The following TOR1A variants were observed in gnomAD, a reference collection of about 807,000 sequenced individuals.
TOR1A encodes the protein torsin family 1 member A.
Under a neutral mutation model 31.4 loss-of-function variants are expected in TOR1A, and 18 were observed. The observed-to-expected ratio is 0.57, with a 90% CI of 0.40 to 0.85. TOR1A has a LOEUF of 0.85. Among genes scored for constraint, TOR1A ranks in the 40% least tolerant of loss-of-function variants. The pLI is 0.00. For synonymous variants in TOR1A, 168 were observed against 165.9 expected, an observed-to-expected ratio of 1.01 and a Z score of -0.10; for missense variants, 375 against 416.4, an observed-to-expected ratio of 0.90 and a Z score of 0.87.
intron 4 of TOR1A, among the ~76,000 whole-genome samples, chr9:129,816,584 C>T (rs914401129): frequency 6.6e-6 from 1 of 152,222 alleles, no homozygotes; most frequent in Admixed American, 6.5e-5. Context: ...ATGCCTGGCA[C>T]TTACCAGATG....
At chr9:129,822,360 C>T (rs1034206350) in intron 2 of TOR1A, 72 of 654,378 alleles carry the variant, frequency 1.1e-4, no homozygotes, top group African/African-American at 1.1e-3. Flanking sequence ...ACCCTACATA[C>T]TCACTGGACC....
chr9:129,823,567 C>A, intron 1 of TOR1A: 1 of 327,882 alleles, frequency 3.0e-6, no homozygotes, highest in South Asian at 2.8e-5. Context: ...CAGTCCTAGC[C>A]CGGCCCTACT....
chr9:129,814,042 T>C lies in TOR1A; in HGVS notation c.929A>G (p.Glu310Gly). The change falls in exon 5 of 5, where the codon GAG (glutamate) becomes GGG (glycine). Residue 310 changes from glutamate to glycine, a missense_variant. Transcript: ENST00000351698. ...GCCTTTATCTGAGAAAACTCTCTCC[T>C]CTTTGGGGAAAAATGTCATCTCCTC... Reference protein sequence around the residue: ...VAEEMTFFPKEERVFSDKGCK... With the variant: ...VAEEMTFFPKGERVFSDKGCK... 1.2e-6 allele frequency: 2 copies of C among 1,614,184 alleles called. No homozygotes were observed. Among genetic ancestry groups the C allele is most frequent in the South Asian group, 2.2e-5 (2 of 91,082 alleles).
At chr9:129,821,877 G>C (rs1410111477) in intron 2 of TOR1A, 1 of 152,538 alleles carries the variant, frequency 6.6e-6, no homozygotes, top group Admixed American at 6.5e-5. Context: ...CTGGACAACA[G>C]AGTGAGACCC....
At chr9:129,821,020 G>A (rs1015251822) in intron 2 of TOR1A, among the ~76,000 whole-genome samples, 8 of 152,204 alleles carry the variant, frequency 5.3e-5, no homozygotes, top group African/African-American at 1.9e-4. Context: ...AACTGATTGA[G>A]GCCAGGCATG....
intron 2 of TOR1A, chr9:129,821,241 T>C (rs2031177450): frequency 6.6e-6 from 1 of 152,080 alleles, no homozygotes; most frequent in African/African-American, 2.4e-5. Flanking sequence ...AGGCAGAGTT[T>C]GCGGTGAGCC....
In TOR1A at chr9:129,824,058, G is replaced by A. The variant is rs752581328; in HGVS notation, c.28C>T (p.Leu10=). The A allele has an allele frequency of 1.3e-6, 2 of 1,596,232 alleles. No individual in the cohort carries two copies. The highest frequency in any genetic ancestry group is 1.7e-6 in the Non-Finnish European group (2 of 1,173,940). MKLGRAVLG[L]LLLAPSVVQA... ...ACCACGGACGGCGCCAGCAGCAGCA[G>A]GCCCAGCACGGCCCGGCCCAGCTTC... The change falls in exon 1 of 5, where the codon CTG becomes TTG. Residue 10 remains leucine, a synonymous_variant. Coordinates refer to ENST00000351698, the MANE Select transcript of TOR1A (RefSeq NM_000113.3).
chr9:129,819,857 A>G (rs2031138118), intron 2 of TOR1A, among the ~76,000 whole-genome samples: 1 of 150,546 alleles, frequency 6.6e-6, no homozygotes, highest in African/African-American at 2.4e-5. Context: ...TGGGAGGTGG[A>G]GGTTGCAGTG....
At chr9:129,819,086 G>A (rs1335256060) in intron 2 of TOR1A, among the ~76,000 whole-genome samples, 166 bp from the exon 3 acceptor site, 1 of 152,056 alleles carries the variant, frequency 6.6e-6, no homozygotes. Flanking sequence ...CCATGGAGTG[G>A]GCACTATCGT....
rs2030963594 is a variant in TOR1A at position 129,813,970 on chromosome 9, T to C, written c.*2A>G. ...AGTGACTCCGGCTGCCAATCATGAC[T>C]GTCAATCATCGTAGTAATAATCTAA... On this transcript the variant is annotated 3_prime_UTR_variant, in exon 5 of 5. Transcript: ENST00000351698. 3 of 1,614,026 alleles carry C rather than the reference T, an allele frequency of 1.9e-6. No individual in the cohort carries two copies. Among genetic ancestry groups the C allele is most frequent in the Non-Finnish European group, 2.5e-6 (3 of 1,180,036 alleles).
intron 4 of TOR1A, among the ~76,000 whole-genome samples, chr9:129,818,035 A>G (rs2031085150): frequency 6.7e-6 from 1 of 149,128 alleles, no homozygotes; most frequent in African/African-American, 2.5e-5. Flanking sequence ...AGCTGAGCAC[A>G]GTGGCTCACG....
intron 4 of TOR1A, among the ~76,000 whole-genome samples, chr9:129,817,908 A>G (rs933938843): frequency 2.0e-5 from 3 of 151,248 alleles, no homozygotes; most frequent in Non-Finnish European, 4.4e-5. Context: ...TTCCACCTAC[A>G]TGGGAAGCTG....
At chr9:129,818,490 A>C (rs1159771487) in intron 4 of TOR1A, 30 bp downstream of exon 4, 1 of 1,613,474 alleles carries the variant, frequency 6.2e-7, no homozygotes, top group East Asian at 2.2e-5. Flanking sequence ...TAGGAACCAG[A>C]TGGGACTGGC....
At chr9:129,823,587 C>T in intron 1 of TOR1A, 1 of 402,492 alleles carries the variant, frequency 2.5e-6, no homozygotes, top group Non-Finnish European at 4.6e-6. Flanking sequence ...TGCCATCCCC[C>T]AGCCTCCATC....
Position 129,823,848 on chromosome 9 carries a change from C to T in TOR1A, c.178+60G>A, listed in dbSNP as rs1313116048. On this transcript the variant is annotated intron_variant, in intron 1 of 4. Transcript: ENST00000351698. ...CTCCATGCCCTGGTCCTAGTTCAGCCCTAGTGCCATCGCCCAGCCCCAGCC... is the reference window on the plus strand; with the variant it reads ...CTCCATGCCCTGGTCCTAGTTCAGCTCTAGTGCCATCGCCCAGCCCCAGCC... The T allele has an allele frequency of 2.0e-5, 30 of 1,531,784 alleles. 1 individual carries two copies. The highest frequency in any genetic ancestry group is 1.6e-4 in the Admixed American group (8 of 50,868). 94.9% of individuals were successfully genotyped at this position (1,531,784 alleles called of 1,614,324 possible).
rs1353009976 is a variant in TOR1A, at chr9:129,818,833, C to T, written c.532G>A (p.Gly178Ser). 3 of 1,613,840 alleles carry T rather than the reference C, an allele frequency of 1.9e-6. No homozygotes were observed. The highest frequency in any genetic ancestry group is 2.7e-5 in the African/African-American group (2 of 74,918). The change falls in exon 3 of 5, where the codon GGC (glycine) becomes AGC (serine). Residue 178 changes from glycine (G) to serine (S), a missense_variant. Gly to Ser is a moderately conservative substitution (Grantham distance 56, BLOSUM62 0). Coordinates refer to ENST00000351698, the MANE Select transcript of TOR1A (RefSeq NM_000113.3). ...IFDEMDKMHA[G>S]LIDAIKPFLD... The stretch of plus-strand genomic sequence containing the variant: ...AAAGGCTTGATGGCATCTATGAGGC[C>T]TGCATGCATCTTATCCATTTCATCA...
intron 4 of TOR1A, 52 bp from the exon 5 acceptor site, chr9:129,814,274 T>C (rs766089148): frequency 5.6e-6 from 9 of 1,612,372 alleles, no homozygotes; most frequent in African/African-American, 4.0e-5. Flanking sequence ...ACCTGCCCTA[T>C]AGACGCCTCC....
intron 2 of TOR1A, among the ~76,000 whole-genome samples, chr9:129,820,131 A>AG (rs1743576539): frequency 2.1e-5 from 3 of 146,310 alleles, no homozygotes; most frequent in African/African-American, 7.6e-5. Context: ...TGTTCATATA[A>AG]CTTTTTTTTT....
intron 2 of TOR1A, among the ~76,000 whole-genome samples, chr9:129,819,885 T>TGCACTCCA (rs2031138954): frequency 6.8e-6 from 1 of 147,720 alleles, no homozygotes; most frequent in Admixed American, 6.8e-5. Flanking sequence ...ATCACCCCAC[T>TGCACTCCA]GCACTCCAGC....
Sources: allele counts gnomAD v4.1 joint callset (sites outside exome capture counted in the v4.1 genomes callset), GRCh38; gene constraint gnomAD v4.1.1; transcripts MANE v1.5; gene names NCBI Gene and HGNC (gene_info 2026-07-23, HGNC 2026-07-21).